ITGAV: variants seen among roughly 807,000 people sequenced by gnomAD.
ITGAV encodes the protein integrin alpha-V.
Under a neutral mutation model 143.8 loss-of-function variants are expected in ITGAV, and 76 were observed. The observed-to-expected ratio is 0.53, with a 90% CI of 0.44 to 0.64. The LOEUF (loss-of-function observed/expected upper bound fraction) is 0.64, where lower values mean the gene tolerates loss of function less well. Among genes scored for constraint, ITGAV ranks in the 30% least tolerant of loss-of-function variants. ITGAV has a pLI of 0.00. For synonymous variants in ITGAV, 453 were observed against 446.7 expected (o/e 1.01, Z -0.18); for missense variants, 1,193 against 1,274.7 (o/e 0.94, Z 0.98).
chr2:186,639,041 T>C (rs535772755), intron 10 of ITGAV, among the ~76,000 whole-genome samples: 32 of 152,168 alleles, frequency 2.1e-4, no homozygotes, highest in African/African-American at 7.0e-4. Flanking sequence ...TTTTATTAGA[T>C]GCAACAGAAA....
intron 12 of ITGAV, among the ~76,000 whole-genome samples, chr2:186,646,000 A>T (rs1399815756): frequency 6.6e-6 from 1 of 152,050 alleles, no homozygotes; most frequent in African/African-American, 2.4e-5. Context: ...AAGAAAAGAA[A>T]AAAAGGCTGT....
chr2:186,648,377 T>C (rs1688319939), intron 13 of ITGAV, among the ~76,000 whole-genome samples: 1 of 152,208 alleles, frequency 6.6e-6, no homozygotes, highest in Admixed American at 6.5e-5. Flanking sequence ...TTTCCCATAC[T>C]TGTGCTTCTT....
At position 186,602,012 on chromosome 2, in the gene ITGAV, G is replaced by T; in HGVS notation, c.186-9G>T. On this transcript the variant is annotated splice_polypyrimidine_tract_variant and intron_variant, in intron 1 of 29. Transcript: ENST00000261023. Reference sequence around the variant, plus strand: ...ATTTAAACTTTGGTCTGCCGCTTTTGTATTTTAGCCGGATGTTTCTTCTCG... The same window carrying T: ...ATTTAAACTTTGGTCTGCCGCTTTTTTATTTTAGCCGGATGTTTCTTCTCG... 6.2e-7 allele frequency: 1 copy of T among 1,602,640 alleles called. No individual in the cohort carries two copies.
intron 1 of ITGAV, among the ~76,000 whole-genome samples, chr2:186,596,946 T>A (rs1247242531): frequency 6.6e-6 from 1 of 152,238 alleles, no homozygotes; most frequent in East Asian, 1.9e-4. Context: ...CCTCACAAAT[T>A]TAGCATGTAG....
Position 186,659,183 on chromosome 2 carries a change from A to T in ITGAV, c.1857+8A>T. On this transcript the variant is annotated splice_region_variant and intron_variant, in intron 18 of 29. Coordinates refer to ENST00000261023, the MANE Select transcript of ITGAV (RefSeq NM_002210.5). ...GCTAACATTAGTCGACAGGTACTGT[A>T]CTCAGTTTACCACTAATGTGATATT... The T allele has an allele frequency of 6.4e-7, 1 of 1,551,790 alleles. No individual in the cohort carries two copies. The highest frequency in any genetic ancestry group is 8.7e-7 in the Non-Finnish European group (1 of 1,150,676).
chr2:186,673,790 AC>A (rs1390528801), intron 26 of ITGAV, among the ~76,000 whole-genome samples: 2 of 151,744 alleles, frequency 1.3e-5, no homozygotes, highest in Admixed American at 1.3e-4. Flanking sequence ...GCCTTGGCCT[AC>A]CGAGTAGCTG....
intron 4 of ITGAV, among the ~76,000 whole-genome samples, chr2:186,626,946 G>A (rs1687691910): frequency 6.6e-6 from 1 of 152,108 alleles, no homozygotes; most frequent in Non-Finnish European, 1.5e-5. Context: ...TTGCAAAAAT[G>A]TTCCTATTTG....
chr2:186,656,334 A>T lies in ITGAV; in HGVS notation c.1652A>T (p.His551Leu). The part of the protein sequence containing the change: ...ALFLYSRSPS[H>L]SKNMTISRGG... Reference sequence around the variant, plus strand: ...TTTCTCTACAGCAGGTCCCCAAGTCACTCCAAGAACATGACTATTTCAAGG... The same window carrying T: ...TTTCTCTACAGCAGGTCCCCAAGTCTCTCCAAGAACATGACTATTTCAAGG... Residue 551 changes from histidine to leucine, a missense_variant, in exon 17 of 30, where the codon CAC becomes CTC. His to Leu is a moderately conservative substitution (Grantham distance 99). Transcript: ENST00000261023. 1 of 1,572,072 alleles carries T rather than the reference A, an allele frequency of 6.4e-7. No individual in the cohort carries two copies. The highest frequency in any genetic ancestry group is 1.2e-5 in the South Asian group (1 of 83,718).
chr2:186,628,180 A>C (rs1362999751), intron 4 of ITGAV, among the ~76,000 whole-genome samples: 1 of 152,174 alleles, frequency 6.6e-6, no homozygotes, highest in Non-Finnish European at 1.5e-5. Flanking sequence ...TCTGTTTCAT[A>C]CTTCAATAAA....
At chr2:186,654,323 ACT>A (rs1354314776) in intron 15 of ITGAV, among the ~76,000 whole-genome samples, 15 of 146,104 alleles carry the variant, frequency 1.0e-4, no homozygotes, top group Admixed American at 9.0e-4. Context: ...ACAGAGTGAG[ACT>A]CTGTCTCAAA....
At chr2:186,662,423 CAT>C (rs1355525599) in intron 18 of ITGAV, among the ~76,000 whole-genome samples, 2 of 152,178 alleles carry the variant, frequency 1.3e-5, no homozygotes, top group South Asian at 2.1e-4. Flanking sequence ...TTGCAAGCCT[CAT>C]GTGGCTTCTG....
intron 15 of ITGAV, 64 bp from the exon 16 acceptor site, chr2:186,654,586 G>A: frequency 1.3e-6 from 1 of 754,904 alleles, no homozygotes; most frequent in Non-Finnish European, 2.3e-6. Flanking sequence ...TGAGATGTGG[G>A]TGATAATAAA....
intron 2 of ITGAV, among the ~76,000 whole-genome samples, chr2:186,602,909 CT>C (rs1686953813): frequency 6.8e-6 from 1 of 146,958 alleles, no homozygotes; most frequent in Non-Finnish European, 1.5e-5. Context: ...GTGGAGGAAT[CT>C]TTTGCATTCA....
chr2:186,646,616 A>T (rs950389203), intron 12 of ITGAV, 70 bp from the exon 13 acceptor site: 4 of 1,191,272 alleles, frequency 3.4e-6, no homozygotes, highest in Non-Finnish European at 4.7e-6. Context: ...TTCCTTCCTC[A>T]TTCTTCCCTT....
In ITGAV at chr2:186,641,524, G is replaced by C. The variant is rs1287163888; in HGVS notation, c.1095G>C (p.Glu365Asp). The C allele has an allele frequency of 6.2e-7, 1 of 1,614,174 alleles. No homozygotes were observed. Among genetic ancestry groups the C allele is most frequent in the Non-Finnish European group, 8.5e-7 (1 of 1,180,030 alleles). The change falls in exon 12 of 30, where the codon GAG becomes GAC. Residue 365 changes from glutamate (E) to aspartate (D), a missense_variant. By Grantham distance (45) the Glu-to-Asp change is conservative. Coordinates refer to ENST00000261023, the MANE Select transcript of ITGAV (RefSeq NM_002210.5). ...DFQTTKLNGFEVFARFGSAIA... is the reference protein window; with the variant it reads ...DFQTTKLNGFDVFARFGSAIA... ...AGACGACAAAGCTGAATGGATTTGAGGTCTTTGCACGGTTTGGCAGTGCCA... is the reference window on the plus strand; with the variant it reads ...AGACGACAAAGCTGAATGGATTTGACGTCTTTGCACGGTTTGGCAGTGCCA...
rs545874948 is a variant in ITGAV at position 186,592,536 on chromosome 2, T to G, written c.185+2013T>G. 4.0e-5 allele frequency among the ~76,000 whole-genome samples: 6 copies of G among 151,716 alleles called. No homozygotes were observed. In the East Asian group the frequency reaches 1.2e-3, roughly 29 times the overall value. ...TTAATTCTTCAGCAGTGCTCTGAGT[T>G]TAGTGTAAGATAAATGAGAGGCTGA... is the stretch of plus-strand genomic sequence containing the variant. On this transcript the variant is annotated intron_variant, in intron 1 of 29. Transcript: ENST00000261023.
Position 186,590,208 on chromosome 2 carries a change from G to A in ITGAV, c.-131G>A, listed in dbSNP as rs1043249000. The A allele has an allele frequency of 9.5e-6, 7 of 739,252 alleles. No individual in the cohort carries two copies. Among genetic ancestry groups the A allele is most frequent in the Middle Eastern group, 4.2e-4 (1 of 2,356 alleles). The allele number at this position is 739,252 out of a possible 1,614,324, so 45.8% of individuals were successfully genotyped here. A position where few individuals can be genotyped will look rare whatever the true frequency, so the allele number is the denominator to read the frequency against. ...TCTTGCCTGCCCCGGAGCTGTCCCGGGCTAGCCGAGAAGAGAGCGGCCGGC... is the reference window on the plus strand; with the variant it reads ...TCTTGCCTGCCCCGGAGCTGTCCCGAGCTAGCCGAGAAGAGAGCGGCCGGC... On this transcript the variant is annotated 5_prime_UTR_variant, in exon 1 of 30. Transcript: ENST00000261023.
chr2:186,662,267 T>A (rs1397997864), intron 18 of ITGAV, among the ~76,000 whole-genome samples: 1 of 152,202 alleles, frequency 6.6e-6, no homozygotes, highest in Non-Finnish European at 1.5e-5. Flanking sequence ...ATGTAAAGAA[T>A]CACCATATAG....
Position 186,677,293 on chromosome 2 carries a change from C to G in ITGAV, c.*1C>G. 1 of 1,606,654 alleles carries G rather than the reference C, an allele frequency of 6.2e-7. No individual in the cohort carries two copies. The highest frequency in any genetic ancestry group is 8.5e-7 in the Non-Finnish European group (1 of 1,173,762). Reference sequence around the variant, plus strand: ...TGGTGAAGGAAACTCAGAAACTTAACTGCAGTTTTTAAGTTATGCTACATC... The same window carrying G: ...TGGTGAAGGAAACTCAGAAACTTAAGTGCAGTTTTTAAGTTATGCTACATC... On this transcript the variant is annotated 3_prime_UTR_variant, in exon 30 of 30. Transcript: ENST00000261023.
Sources: gnomAD v4.1 joint callset for allele counts (sites outside exome capture counted in the v4.1 genomes callset) on GRCh38, gnomAD v4.1.1 for gene constraint, MANE v1.5 for transcripts, NCBI Gene and HGNC (gene_info 2026-07-23, HGNC 2026-07-21) for gene names.